The following GNA12 variants were observed in gnomAD, a reference collection of about 807,000 sequenced individuals.
The protein encoded by GNA12 is G protein subunit alpha 12.
A neutral mutation model predicts 26.0 loss-of-function variants in GNA12; 9 were observed. That is an observed-to-expected ratio of 0.35 (90% confidence interval 0.21 to 0.60). GNA12 has a LOEUF of 0.60. Among genes scored for constraint, GNA12 ranks in the 20% least tolerant of loss-of-function variants. GNA12 has a pLI of 0.78. For missense variants in GNA12, 405 were observed against 525.8 expected (o/e 0.77, Z 2.25); for synonymous variants, 264 against 219.6 (o/e 1.20, Z -1.79).
At chr7:2,743,416 A>T (rs1017698950) in intron 2 of GNA12, among the ~76,000 whole-genome samples, 2 of 152,354 alleles carry the variant, frequency 1.3e-5, no homozygotes, top group South Asian at 4.1e-4. Flanking sequence ...GGCAAAAACA[A>T]TCAGAAGTTA....
chr7:2,813,288 T>A (rs1010445037), intron 1 of GNA12, among the ~76,000 whole-genome samples: 8 of 152,254 alleles, frequency 5.3e-5, no homozygotes, highest in African/African-American at 1.7e-4. Context: ...TTATGAGCTT[T>A]GAGGAAACCG....
intron 2 of GNA12, among the ~76,000 whole-genome samples, chr7:2,786,350 C>T (rs1033088714): frequency 6.6e-6 from 1 of 151,942 alleles, no homozygotes; most frequent in Non-Finnish European, 1.5e-5. Flanking sequence ...TTGGAAAAAA[C>T]GGGCGCCTGG....
At chr7:2,759,097 A>G (rs798493) in intron 2 of GNA12, among the ~76,000 whole-genome samples, 36,039 of 151,346 alleles carry the variant, frequency 0.24, 5,028 homozygotes, top group Non-Finnish European at 0.29. Flanking sequence ...CCGAGATTAC[A>G]CCATTGCACT....
intron 2 of GNA12, among the ~76,000 whole-genome samples, chr7:2,786,981 C>T (rs1042223986): frequency 3.3e-5 from 5 of 152,202 alleles, no homozygotes; most frequent in South Asian, 2.1e-4. Flanking sequence ...ACCATGAACA[C>T]GGGGTTCAGC....
chr7:2,815,276 G>A (rs925571930), intron 1 of GNA12: 7 of 225,934 alleles, frequency 3.1e-5, no homozygotes, highest in African/African-American at 1.2e-4. Flanking sequence ...TGTTGGGGAA[G>A]GCGGCTCAGG....
At chr7:2,736,746 G>A (rs1445244562) in intron 2 of GNA12, among the ~76,000 whole-genome samples, 12 of 152,188 alleles carry the variant, frequency 7.9e-5, no homozygotes, top group Admixed American at 7.8e-4. Context: ...ACACACGCTC[G>A]GCTTGCTGCC....
intron 1 of GNA12, 109 bp from the exon 2 acceptor site, chr7:2,795,252 C>G (rs928483371): frequency 2.9e-5 from 23 of 801,362 alleles, no homozygotes; most frequent in Admixed American, 2.5e-4. Flanking sequence ...AACTCACAAG[C>G]TCTGAGCTGT....
At chr7:2,743,466 G>A (rs1048696572) in intron 2 of GNA12, among the ~76,000 whole-genome samples, 6 of 152,172 alleles carry the variant, frequency 3.9e-5, no homozygotes, top group African/African-American at 1.4e-4. Flanking sequence ...GCTTGACACA[G>A]ACTTTAAAGC....
chr7:2,829,294 G>A (rs141171399), intron 1 of GNA12, among the ~76,000 whole-genome samples: 8 of 152,094 alleles, frequency 5.3e-5, no homozygotes, highest in Non-Finnish European at 8.8e-5. Context: ...TCCCTCTGTC[G>A]GAGAGATAAG....
chr7:2,810,279 G>T (rs1793050626), intron 1 of GNA12, among the ~76,000 whole-genome samples: 1 of 152,132 alleles, frequency 6.6e-6, no homozygotes, highest in African/African-American at 2.4e-5. Context: ...TCAGATGGTG[G>T]AAGGGGTATA....
chr7:2,816,199 C>A (rs1793214323), intron 1 of GNA12, among the ~76,000 whole-genome samples: 1 of 151,508 alleles, frequency 6.6e-6, no homozygotes, highest in Admixed American at 6.6e-5. Flanking sequence ...GATCTTCACG[C>A]ACCCCCATGG....
chr7:2,763,629 T>C (rs1320694329), intron 2 of GNA12, among the ~76,000 whole-genome samples: 1 of 152,256 alleles, frequency 6.6e-6, no homozygotes, highest in East Asian at 1.9e-4. Context: ...AGAGCTGCAG[T>C]GAACACATTT....
chr7:2,814,017 G>T (rs540174168), intron 1 of GNA12, among the ~76,000 whole-genome samples: 1 of 152,104 alleles, frequency 6.6e-6, no homozygotes, highest in Non-Finnish European at 1.5e-5. Flanking sequence ...CCTCGCCGCC[G>T]GAGCTTGGAC....
intron 2 of GNA12, among the ~76,000 whole-genome samples, chr7:2,761,380 A>C (rs1325291966): frequency 1.3e-5 from 2 of 152,194 alleles, no homozygotes; most frequent in Non-Finnish European, 2.9e-5. Flanking sequence ...ATTTCCCTGA[A>C]ACCAGACATC....
At chr7:2,791,294 C>T (rs1792511680) in intron 2 of GNA12, among the ~76,000 whole-genome samples, 2 of 152,318 alleles carry the variant, frequency 1.3e-5, no homozygotes, top group South Asian at 2.1e-4. Flanking sequence ...AAGTGATGCT[C>T]ATGGGGTGTC....
intron 2 of GNA12, among the ~76,000 whole-genome samples, chr7:2,793,359 A>G (rs76596023): frequency 0.019 from 2,942 of 152,004 alleles, 56 homozygotes; most frequent in Middle Eastern, 0.075. Context: ...ACAGGAGCGC[A>G]AGAGGAAAGG....
chr7:2,791,968 A>G (rs2644306), intron 2 of GNA12, among the ~76,000 whole-genome samples: 78,270 of 151,966 alleles, frequency 0.52, 20,484 homozygotes, highest in Admixed American at 0.57. Context: ...TCTGCATCTG[A>G]TTATTACAGA....
intron 2 of GNA12, among the ~76,000 whole-genome samples, chr7:2,763,757 C>A (rs960722055): frequency 6.6e-6 from 1 of 152,188 alleles, no homozygotes; most frequent in Non-Finnish European, 1.5e-5. Flanking sequence ...ATGCCTCCCC[C>A]ACAGGCTCTG....
chr7:2,743,849 T>TA (rs1376010235), intron 2 of GNA12, among the ~76,000 whole-genome samples: 1 of 151,900 alleles, frequency 6.6e-6, no homozygotes, highest in Non-Finnish European at 1.5e-5. Flanking sequence ...CCAACAGGCT[T>TA]AAAAAACGGC....
Sources: gnomAD v4.1 joint callset for allele counts (sites outside exome capture counted in the v4.1 genomes callset) on GRCh38, gnomAD v4.1.1 for gene constraint, MANE v1.5 for transcripts, NCBI Gene and HGNC (gene_info 2026-07-23, HGNC 2026-07-21) for gene names.